Variants in TTLL9 observed in about 807,000 individuals in gnomAD.
The protein encoded by TTLL9 is probable tubulin polyglutamylase TTLL9.
TTLL9 carries 47 observed loss-of-function variants against 65.6 expected under a neutral mutation model. The observed-to-expected ratio is 0.72, with a 90% CI of 0.57 to 0.91. The LOEUF (loss-of-function observed/expected upper bound fraction) is 0.91, where lower values mean the gene tolerates loss of function less well. Ranked by LOEUF, TTLL9 falls within the 40% of genes least tolerant of loss-of-function variation. TTLL9 has a pLI of 0.00. For synonymous variants in TTLL9, 179 were observed against 204.8 expected, an observed-to-expected ratio of 0.87 and a Z score of 1.07; for missense variants, 537 against 568.8, an observed-to-expected ratio of 0.94 and a Z score of 0.57.
chr20:31,908,521 C>A, intron 4 of TTLL9, 70 bp from the exon 5 acceptor site: 3 of 1,108,330 alleles, frequency 2.7e-6, no homozygotes, highest in Admixed American at 3.5e-5. Context: ...CTCGGCAGCA[C>A]CTCCCTGGGC....
intron 11 of TTLL9, 162 bp from the exon 12 acceptor site, chr20:31,934,530 C>G (rs1358400417): frequency 1.6e-5 from 11 of 703,324 alleles, no homozygotes; most frequent in Admixed American, 2.4e-5. Context: ...TTTTGCCCCT[C>G]AAAGAGGGGC....
At chr20:31,912,145 C>G (rs972722828) in intron 6 of TTLL9, among the ~76,000 whole-genome samples, 7 of 152,166 alleles carry the variant, frequency 4.6e-5, no homozygotes, top group African/African-American at 1.7e-4. Flanking sequence ...ATATCAAGGG[C>G]TTGGCATTAG....
intron 3 of TTLL9, among the ~76,000 whole-genome samples, chr20:31,896,597 T>C (rs529089709): frequency 2.0e-5 from 3 of 152,190 alleles, no homozygotes; most frequent in South Asian, 2.1e-4. Context: ...TGGTGCTATC[T>C]CGGCTCACTG....
chr20:31,909,185 G>A (rs1350568866), intron 5 of TTLL9, among the ~76,000 whole-genome samples: 3 of 145,268 alleles, frequency 2.1e-5, no homozygotes, highest in African/African-American at 7.8e-5. Flanking sequence ...CCTCAGGCTG[G>A]AGTGCAATGG....
At chr20:31,905,574 C>T (rs1251147837) in intron 4 of TTLL9, among the ~76,000 whole-genome samples, 2 of 152,178 alleles carry the variant, frequency 1.3e-5, no homozygotes, top group African/African-American at 4.8e-5. Context: ...CACGTCACCA[C>T]ATCTGTGCAC....
At chr20:31,935,244 A>G (rs1302477805) in intron 12 of TTLL9, among the ~76,000 whole-genome samples, 1 of 152,220 alleles carries the variant, frequency 6.6e-6, no homozygotes, top group Non-Finnish European at 1.5e-5. Flanking sequence ...AAAGAGCCAT[A>G]TAATGGAATA....
At chr20:31,905,276 T>TCAGAGACCA (rs1454725943) in intron 4 of TTLL9, among the ~76,000 whole-genome samples, 2 of 152,146 alleles carry the variant, frequency 1.3e-5, no homozygotes, top group African/African-American at 2.4e-5. Context: ...GGTTTCACCA[T>TCAGAGACCA]GTTGGCCAGG....
In TTLL9 at chr20:31,890,366, G is replaced by A. The variant is rs550199240; in HGVS notation, c.113+3127G>A. ...GTTGTTGTACTGTTATTACTATTCT[G>A]CACCCTGCTTTTGTCACACAAAATG... On this transcript the variant is annotated intron_variant, in intron 3 of 14. Coordinates refer to ENST00000535842, the MANE Select transcript of TTLL9 (RefSeq NM_001008409.5). Among the ~76,000 whole-genome samples, 7 of 151,798 alleles carry A rather than the reference G, an allele frequency of 4.6e-5. No individual in the cohort carries two copies. The South Asian group carries it at 1.5e-3, about 32-fold the overall frequency.
intron 2 of TTLL9, among the ~76,000 whole-genome samples, chr20:31,873,828 GAAAGA>G (rs1555800235): frequency 0.082 from 4,894 of 60,022 alleles, 86 homozygotes; most frequent in East Asian, 0.13. Flanking sequence ...AAGGAAGAAA[GAAAGA>G]AAGAAAGAAA....
chr20:31,898,225 G>A (rs1311659668), intron 3 of TTLL9, among the ~76,000 whole-genome samples: 2 of 152,202 alleles, frequency 1.3e-5, no homozygotes, highest in Admixed American at 1.3e-4. Context: ...CACATGGAAA[G>A]CAACCAGACC....
intron 6 of TTLL9, among the ~76,000 whole-genome samples, chr20:31,913,598 G>A (rs1016475995): frequency 1.3e-5 from 2 of 152,054 alleles, no homozygotes; most frequent in African/African-American, 2.4e-5. Flanking sequence ...GGTGTCTGCC[G>A]AGCCTTCATC....
intron 2 of TTLL9, among the ~76,000 whole-genome samples, chr20:31,881,135 A>AT (rs2063113082): frequency 6.6e-6 from 1 of 152,092 alleles, no homozygotes; most frequent in Non-Finnish European, 1.5e-5. Context: ...AAGTGCTGGG[A>AT]TTACAGGCAT....
At chr20:31,889,642 C>T (rs1280531346) in intron 3 of TTLL9, among the ~76,000 whole-genome samples, 2 of 152,010 alleles carry the variant, frequency 1.3e-5, no homozygotes, top group South Asian at 2.1e-4. Flanking sequence ...AGACTGGTCT[C>T]GAACTCCTGA....
chr20:31,871,273 T>C (rs2062927094), intron 2 of TTLL9, 78 bp downstream of exon 2: 1 of 1,504,922 alleles, frequency 6.6e-7, no homozygotes, highest in African/African-American at 1.4e-5. Flanking sequence ...TAGCTAGAGG[T>C]CAGGGTCCTG....
chr20:31,905,106 C>T (rs1339776439), intron 4 of TTLL9, among the ~76,000 whole-genome samples: 1 of 151,970 alleles, frequency 6.6e-6, no homozygotes, highest in African/African-American at 2.4e-5. Flanking sequence ...AGTCTCACTC[C>T]GTTGCCCAGG....
intron 2 of TTLL9, chr20:31,884,037 C>A: frequency 1.9e-6 from 1 of 536,308 alleles, no homozygotes; most frequent in South Asian, 3.2e-5. Flanking sequence ...TCATTGTATC[C>A]AGAGAAAACT....
chr20:31,939,561 A>G, intron 14 of TTLL9: 1 of 235,850 alleles, frequency 4.2e-6, no homozygotes, highest in Non-Finnish European at 8.2e-6. Flanking sequence ...AATCTGGTGT[A>G]TTTCCTTCCA....
At chr20:31,927,036 G>A (rs1055028523) in intron 10 of TTLL9, among the ~76,000 whole-genome samples, 11 of 151,902 alleles carry the variant, frequency 7.2e-5, no homozygotes, top group African/African-American at 2.4e-4. Context: ...GATCACTTGA[G>A]CCCAGGAGTT....
At chr20:31,934,247 G>A (rs2064068599) in intron 11 of TTLL9, 1 of 499,134 alleles carries the variant, frequency 2.0e-6, no homozygotes, top group South Asian at 1.6e-5. Context: ...ACTTCTCAGA[G>A]TCAAGGGCCA....
Sources: allele counts gnomAD v4.1 joint callset (sites outside exome capture counted in the v4.1 genomes callset), GRCh38; gene constraint gnomAD v4.1.1; transcripts MANE v1.5; gene names NCBI Gene and HGNC (gene_info 2026-07-23, HGNC 2026-07-21).